The following GNB1 variants were observed in gnomAD, a reference collection of about 807,000 sequenced individuals.
GNB1 encodes the protein G protein subunit beta 1.
Under a neutral mutation model 42.9 loss-of-function variants are expected in GNB1, and 2 were observed. The ratio of observed to expected loss-of-function variants is 0.05; its 90% CI spans 0.02 to 0.15. The LOEUF (loss-of-function observed/expected upper bound fraction) is 0.15. Among genes scored for constraint, GNB1 ranks in the 10% least tolerant of loss-of-function variants. The pLI is 1.00. For synonymous variants in GNB1, 183 were observed against 174.7 expected (o/e 1.05, Z -0.38); for missense variants, 193 against 462.2 (o/e 0.42, Z 5.34).
At chr1:1,842,115 C>G (rs978535781) in intron 1 of GNB1, among the ~76,000 whole-genome samples, 1 of 152,094 alleles carries the variant, frequency 6.6e-6, no homozygotes, top group Non-Finnish European at 1.5e-5. Flanking sequence ...CAAGACCAAC[C>G]TGGCCACCTC....
In GNB1 at chr1:1,864,328, AAAAAAAAAG is replaced by A. The variant is rs1340482040; in HGVS notation, c.-95-25099_-95-25091del. ...CAAGACTCTCTCAAAAAAAAAAAAA[AAAAAAAAAG>A]AAGAAAACCCCACGAAAAAACTATT... On this transcript the variant is annotated intron_variant, in intron 1 of 11. Coordinates refer to ENST00000378609, the MANE Select transcript of GNB1 (RefSeq NM_002074.5). Among the ~76,000 whole-genome samples, 53 of 149,568 alleles carry A rather than the reference AAAAAAAAAG, an allele frequency of 3.5e-4. 1 individual carries two copies. The highest frequency in any genetic ancestry group is 4.6e-4 in the African/African-American group (19 of 41,162).
At position 1,787,509 on chromosome 1, in the gene GNB1, C is replaced by G; in HGVS notation, c.917-72G>C. 1 of 902,044 alleles carries G rather than the reference C, an allele frequency of 1.1e-6. No homozygotes were observed. The highest frequency in any genetic ancestry group is 1.4e-5 in the South Asian group (1 of 69,470). The allele number at this position is 902,044 out of a possible 1,614,324, so 55.9% of individuals were successfully genotyped here. On this transcript the variant is annotated intron_variant, in intron 10 of 11. Transcript: ENST00000378609. This position sits in a 1 kb window ranked among gnomAD's most constrained non-coding sequence, Gnocchi z 4.4. ...ATCTCACCTGTGTGCCATGTTGTGACGAGGACGGATGGTGCATCTCTCATG... is the reference window on the plus strand; with the variant it reads ...ATCTCACCTGTGTGCCATGTTGTGAGGAGGACGGATGGTGCATCTCTCATG...
intron 7 of GNB1, among the ~76,000 whole-genome samples, chr1:1,799,865 C>T (rs925582779): frequency 4.6e-5 from 7 of 152,096 alleles, no homozygotes; most frequent in African/African-American, 1.4e-4. Flanking sequence ...AGCCAGAAAG[C>T]GAAAGGATAA....
chr1:1,800,753 T>TAAAAAAAAAAAAAAAA, intron 7 of GNB1, among the ~76,000 whole-genome samples: 1 of 115,324 alleles, frequency 8.7e-6, no homozygotes, highest in Non-Finnish European at 1.9e-5. Context: ...TTTAGATTGT[T>TAAAAAAAAAAAAAAAA]AAAAAAAAAA....
chr1:1,830,320 G>A (rs1464635808), intron 2 of GNB1, among the ~76,000 whole-genome samples: 1 of 151,334 alleles, frequency 6.6e-6, no homozygotes, highest in Non-Finnish European at 1.5e-5. Flanking sequence ...GAGTGCAGTG[G>A]CGCGATCTCA....
At chr1:1,796,027 C>T (rs1039725622) in intron 7 of GNB1, among the ~76,000 whole-genome samples, 14 of 152,196 alleles carry the variant, frequency 9.2e-5, no homozygotes, top group Non-Finnish European at 1.3e-4. Context: ...GAAAGACACA[C>T]GCATTTAATA....
intron 1 of GNB1, among the ~76,000 whole-genome samples, chr1:1,860,235 T>C (rs1648545277): frequency 6.6e-6 from 1 of 151,946 alleles, no homozygotes; most frequent in Non-Finnish European, 1.5e-5. Flanking sequence ...ATCAGGGACT[T>C]GTGGACATAA....
At chr1:1,856,537 C>T (rs1187360081) in intron 1 of GNB1, among the ~76,000 whole-genome samples, 1 of 152,208 alleles carries the variant, frequency 6.6e-6, no homozygotes, top group Non-Finnish European at 1.5e-5. Flanking sequence ...AGGTGATTCT[C>T]CTGCCTCAGC....
chr1:1,802,203 G>A (rs1646635217), intron 7 of GNB1, among the ~76,000 whole-genome samples: 1 of 152,076 alleles, frequency 6.6e-6, no homozygotes, highest in African/African-American at 2.4e-5. Context: ...CATGTATGTA[G>A]AAAATCAGGC....
At chr1:1,810,678 G>C (rs1422094735) in intron 5 of GNB1, among the ~76,000 whole-genome samples, 1 of 150,716 alleles carries the variant, frequency 6.6e-6, no homozygotes, top group Non-Finnish European at 1.5e-5. Flanking sequence ...TTTTTTGTTT[G>C]TTTTTTTGAG....
At chr1:1,888,268 A>G (rs1231104051) in intron 1 of GNB1, among the ~76,000 whole-genome samples, 1 of 151,994 alleles carries the variant, frequency 6.6e-6, no homozygotes, top group Admixed American at 6.6e-5. Context: ...CCCGCAGAAG[A>G]TAAAATGTCA....
intron 5 of GNB1, among the ~76,000 whole-genome samples, chr1:1,807,478 AAAAAAAAAAAAAAAAC>A (rs1557892197): frequency 1.3e-5 from 2 of 148,648 alleles, no homozygotes; most frequent in African/African-American, 5.0e-5. Flanking sequence ...AAAAAAAAAA[AAAAAAAAAAAAAAAAC>A]AAACAGAAAG....
intron 1 of GNB1, among the ~76,000 whole-genome samples, 171 bp downstream of exon 1, chr1:1,890,636 CCCTGCACCCCGAA>C: frequency 6.7e-6 from 1 of 148,192 alleles, no homozygotes; most frequent in East Asian, 2.0e-4. Flanking sequence ...TCGACCCCGA[CCCTGCACCCCGAA>C]CCTCGGACCC....
At chr1:1,854,942 C>A (rs1332458364) in intron 1 of GNB1, among the ~76,000 whole-genome samples, 1 of 151,836 alleles carries the variant, frequency 6.6e-6, no homozygotes, top group African/African-American at 2.4e-5. Context: ...AGGTGGATCA[C>A]GAGGTCAGGA....
intron 1 of GNB1, among the ~76,000 whole-genome samples, chr1:1,879,260 C>G (rs1649709995): frequency 6.6e-6 from 1 of 152,224 alleles, no homozygotes; most frequent in African/African-American, 2.4e-5. Flanking sequence ...TCTACATCCT[C>G]AACTATTAAG....
chr1:1,813,228 C>T (rs1646807081), intron 5 of GNB1, among the ~76,000 whole-genome samples: 1 of 151,728 alleles, frequency 6.6e-6, no homozygotes, highest in Admixed American at 6.6e-5. Context: ...CCTCCACGTG[C>T]CTCAGCCTTC....
intron 2 of GNB1, among the ~76,000 whole-genome samples, chr1:1,828,545 C>T (rs542280638): frequency 6.6e-6 from 1 of 152,202 alleles, no homozygotes; most frequent in Admixed American, 6.5e-5. Flanking sequence ...TTAAAATGAG[C>T]TCAATATAAC....
intron 8 of GNB1, among the ~76,000 whole-genome samples, chr1:1,792,618 A>T (rs995503128): frequency 6.6e-6 from 1 of 151,180 alleles, no homozygotes; most frequent in Non-Finnish European, 1.5e-5. Context: ...GAATTGCTTG[A>T]ATCTGGGAGG....
chr1:1,875,536 G>A (rs1466392119), intron 1 of GNB1, among the ~76,000 whole-genome samples: 1 of 151,754 alleles, frequency 6.6e-6, no homozygotes, highest in Non-Finnish European at 1.5e-5. Flanking sequence ...TTAGAGGCGG[G>A]GTCTTGCTCT....
Sources: allele counts gnomAD v4.1 joint callset (sites outside exome capture counted in the v4.1 genomes callset), GRCh38; gene constraint gnomAD v4.1.1; non-coding constraint Gnocchi (gnomAD v3.1); transcripts MANE v1.5; gene names NCBI Gene and HGNC (gene_info 2026-07-23, HGNC 2026-07-21).